Variants in CDH18 observed in about 807,000 individuals in gnomAD.
CDH18 encodes cadherin-18.
A neutral mutation model predicts 67.9 loss-of-function variants in CDH18; 31 were observed. The observed-to-expected ratio is 0.46, with a 90% CI of 0.34 to 0.62. The LOEUF is 0.62. Ranked by LOEUF, CDH18 falls within the 20% of genes least tolerant of loss-of-function variation. CDH18 has a pLI of 0.01. For missense variants in CDH18, 890 were observed against 975.5 expected, an observed-to-expected ratio of 0.91 and a Z score of 1.17; for synonymous variants, 362 against 347.2, an observed-to-expected ratio of 1.04 and a Z score of -0.48.
At chr5:20,444,453 T>C (rs910766234) in intron 1 of CDH18, among the ~76,000 whole-genome samples, 6 of 152,098 alleles carry the variant, frequency 3.9e-5, no homozygotes, top group South Asian at 2.1e-4. Context: ...GGGAAAATCA[T>C]TGGAACCCAG....
intron 1 of CDH18, among the ~76,000 whole-genome samples, chr5:20,548,155 G>C (rs1220276222): frequency 6.7e-6 from 1 of 150,282 alleles, no homozygotes; most frequent in Non-Finnish European, 1.5e-5. Context: ...TACTATTTCT[G>C]ATAATAGCCA....
intron 2 of CDH18, among the ~76,000 whole-genome samples, chr5:20,039,796 T>C (rs1046160861): frequency 9.2e-5 from 14 of 152,118 alleles, no homozygotes; most frequent in Non-Finnish European, 2.1e-4. Flanking sequence ...GGCAAAGACT[T>C]CATGACTAAA....
intron 5 of CDH18, among the ~76,000 whole-genome samples, chr5:19,719,955 A>AAGAAAGAAAG (rs1765859723): frequency 6.7e-6 from 1 of 148,932 alleles, no homozygotes; most frequent in African/African-American, 2.5e-5. Context: ...GAAAGAAAGA[A>AAGAAAGAAAG]AGAAGGAAAG....
intron 2 of CDH18, among the ~76,000 whole-genome samples, chr5:20,228,587 G>A (rs1741821995): frequency 6.6e-6 from 1 of 151,990 alleles, no homozygotes; most frequent in African/African-American, 2.4e-5. Context: ...CTGTGCAACT[G>A]AAATTTTGTG....
chr5:19,527,156 C>T (rs347725), intron 9 of CDH18, among the ~76,000 whole-genome samples: 64,620 of 151,506 alleles, frequency 0.43, 13,883 homozygotes, highest in South Asian at 0.51. Context: ...CTTTAATAAA[C>T]ATGTAACAAT....
Position 19,656,676 on chromosome 5 carries a change from G to GTAAAAACC in CDH18, c.644-44083_644-44076dup, listed in dbSNP as rs529223219. Among the ~76,000 whole-genome samples the GTAAAAACC allele has an allele frequency of 3.9e-3, 590 of 152,164 alleles. 2 individuals carry two copies. The highest frequency in any genetic ancestry group is 0.014 in the African/African-American group (572 of 41,532). Reference sequence around the variant, plus strand: ...GAAAAATAGAAACTGATGACATATTGTAAAAACCACTAGGTTTCTGTTGAC... The same window carrying GTAAAAACC: ...GAAAAATAGAAACTGATGACATATTGTAAAAACCTAAAAACCACTAGGTTTCTGTTGAC... On this transcript the variant is annotated intron_variant, in intron 5 of 12. Transcript: ENST00000382275.
At chr5:20,188,419 C>G (rs1369602322) in intron 2 of CDH18, among the ~76,000 whole-genome samples, 1 of 151,938 alleles carries the variant, frequency 6.6e-6, no homozygotes, top group Non-Finnish European at 1.5e-5. Context: ...TTTATCCATA[C>G]CCACATTGGT....
At chr5:20,173,016 G>T (rs1318206684) in intron 2 of CDH18, among the ~76,000 whole-genome samples, 1 of 150,860 alleles carries the variant, frequency 6.6e-6, no homozygotes, top group Non-Finnish European at 1.5e-5. Context: ...AAGAAAGAAA[G>T]AAAGAAATAT....
At chr5:19,633,315 A>C (rs1752669964) in intron 5 of CDH18, among the ~76,000 whole-genome samples, 1 of 152,314 alleles carries the variant, frequency 6.6e-6, no homozygotes, top group Middle Eastern at 3.4e-3. Flanking sequence ...CAAATTAGAA[A>C]TCACCAAAAT....
chr5:19,603,153 C>T (rs1580439941), intron 6 of CDH18, among the ~76,000 whole-genome samples: 1 of 152,194 alleles, frequency 6.6e-6, no homozygotes, highest in South Asian at 2.1e-4. Context: ...ATGCAGTATA[C>T]ACATTAAATA....
At chr5:19,795,134 G>T (rs74352870) in intron 3 of CDH18, among the ~76,000 whole-genome samples, 2,502 of 152,174 alleles carry the variant, frequency 0.016, 64 homozygotes, top group African/African-American at 0.057. Context: ...TGACAGCTTT[G>T]CCAAGGGATA....
At chr5:20,318,656 CTG>C (rs1472772336) in intron 1 of CDH18, among the ~76,000 whole-genome samples, 10 of 152,098 alleles carry the variant, frequency 6.6e-5, no homozygotes, top group Non-Finnish European at 1.3e-4. Flanking sequence ...TCTGCCATGA[CTG>C]TGAGTTTCCT....
intron 7 of CDH18, among the ~76,000 whole-genome samples, chr5:19,572,570 T>C (rs1161834970): frequency 6.6e-6 from 1 of 152,138 alleles, no homozygotes; most frequent in African/African-American, 2.4e-5. Context: ...CAACGTTCCT[T>C]TCAGAGCTGG....
At chr5:19,719,466 G>GA (rs1247444289) in intron 5 of CDH18, among the ~76,000 whole-genome samples, 1 of 151,808 alleles carries the variant, frequency 6.6e-6, no homozygotes, top group Non-Finnish European at 1.5e-5. Flanking sequence ...TTATTATTGG[G>GA]AAAATAGAAC....
At chr5:19,711,008 A>C (rs1561114904) in intron 5 of CDH18, among the ~76,000 whole-genome samples, 1 of 152,044 alleles carries the variant, frequency 6.6e-6, no homozygotes. Flanking sequence ...AGGAAAGAAC[A>C]CCCTATTCAA....
chr5:19,636,955 C>A (rs567329525), intron 5 of CDH18, among the ~76,000 whole-genome samples: 2 of 151,994 alleles, frequency 1.3e-5, no homozygotes, highest in Non-Finnish European at 2.9e-5. Flanking sequence ...TCTCTTTAAG[C>A]GAGAAATGAC....
At chr5:19,715,274 G>A (rs951317148) in intron 5 of CDH18, among the ~76,000 whole-genome samples, 2 of 152,136 alleles carry the variant, frequency 1.3e-5, no homozygotes, top group Non-Finnish European at 2.9e-5. Context: ...GCAGACTGAA[G>A]AAATAATGTT....
At chr5:19,858,045 A>G (rs1784492688) in intron 2 of CDH18, among the ~76,000 whole-genome samples, 1 of 152,186 alleles carries the variant, frequency 6.6e-6, no homozygotes, top group African/African-American at 2.4e-5. Context: ...TTATCACTGC[A>G]GAATTCTCCT....
At position 19,471,682 on chromosome 5, in the gene CDH18, G is replaced by GA. The variant is rs369711860; in HGVS notation, c.*1543dup. Among the ~76,000 whole-genome samples, 39 of 148,316 alleles carry GA rather than the reference G, an allele frequency of 2.6e-4. No individual in the cohort carries two copies. The highest frequency in any genetic ancestry group is 5.9e-4 in the East Asian group (3 of 5,068). On this transcript the variant is annotated 3_prime_UTR_variant, in exon 13 of 13. Coordinates refer to ENST00000382275, the MANE Select transcript of CDH18 (RefSeq NM_004934.5). ...AACAAAACATTATCTAAAACAATTTGAAAAAAAAAGCCCCACCCAAATTCT... is the reference window on the plus strand; with the variant it reads ...AACAAAACATTATCTAAAACAATTTGAAAAAAAAAAGCCCCACCCAAATTCT...
Sources: gnomAD v4.1 joint callset for allele counts (sites outside exome capture counted in the v4.1 genomes callset) on GRCh38, gnomAD v4.1.1 for gene constraint, MANE v1.5 for transcripts, NCBI Gene and HGNC (gene_info 2026-07-23, HGNC 2026-07-21) for gene names.